The following PNLDC1 variants were observed in gnomAD, a reference collection of about 807,000 sequenced individuals.
PNLDC1 encodes poly(A)-specific ribonuclease PNLDC1.
PNLDC1 carries 70 observed loss-of-function variants against 82.0 expected under a neutral mutation model. That is an observed-to-expected ratio of 0.85 (90% CI 0.70 to 1.04). PNLDC1 has a LOEUF of 1.04. Among genes scored for constraint, PNLDC1 ranks in the 50% least tolerant of loss-of-function variants. PNLDC1 has a pLI of 0.00. For synonymous variants in PNLDC1, 280 were observed against 249.3 expected (o/e 1.12, Z -1.16); for missense variants, 631 against 661.1 (o/e 0.95, Z 0.50).
Position 159,804,640 on chromosome 6 carries a change from A to G in PNLDC1, c.461+3A>G, listed in dbSNP as rs368008629. 2.5e-6 allele frequency: 4 copies of G among 1,594,314 alleles called. No homozygotes were observed. The African/African-American group carries it at 4.0e-5, about 16-fold the overall frequency. Reference sequence around the variant, plus strand: ...ACTGGGAACTGGAGAGTTCGCAGGTATGGCCTGTTTCTCCAGGTGCCTTTT... The same window carrying G: ...ACTGGGAACTGGAGAGTTCGCAGGTGTGGCCTGTTTCTCCAGGTGCCTTTT... On this transcript the variant is annotated splice_donor_region_variant and intron_variant, in intron 6 of 18. Coordinates refer to ENST00000392167, the MANE Select transcript of PNLDC1 (RefSeq NM_001271862.2).
chr6:159,801,363 T>G (rs1444072769), intron 3 of PNLDC1, among the ~76,000 whole-genome samples, 177 bp downstream of exon 3: 2 of 152,234 alleles, frequency 1.3e-5, no homozygotes, highest in African/African-American at 4.8e-5. Context: ...CAAACCAAAT[T>G]TAGCAGCATT....
upstream of PNLDC1, chr6:159,800,217 C>A: frequency 2.3e-6 from 3 of 1,289,586 alleles, no homozygotes; most frequent in Middle Eastern, 2.7e-4. Context: ...CATGTGTGCG[C>A]CCTTTAAGAC....
At chr6:159,816,656 G>GA in intron 14 of PNLDC1, 60 bp downstream of exon 14, 1 of 1,420,914 alleles carries the variant, frequency 7.0e-7, no homozygotes, top group Non-Finnish European at 9.9e-7. Flanking sequence ...TTCTGAGACA[G>GA]GGTCTCACTC....
intron 1 of PNLDC1, 53 bp downstream of exon 1, chr6:159,800,436 G>A: frequency 6.6e-7 from 1 of 1,521,390 alleles, no homozygotes; most frequent in Non-Finnish European, 8.9e-7. Context: ...TGCCCCGGGC[G>A]AGCTTGAGGA....
chr6:159,806,865 CTT>C (rs1186180398), intron 7 of PNLDC1, among the ~76,000 whole-genome samples: 1 of 143,900 alleles, frequency 6.9e-6, no homozygotes, highest in Admixed American at 6.9e-5. Flanking sequence ...CTTGTGCAGT[CTT>C]TTGAGAGCTG....
At chr6:159,800,483 A>AGCGC in intron 1 of PNLDC1, 100 bp downstream of exon 1, 1 of 1,389,018 alleles carries the variant, frequency 7.2e-7, no homozygotes, top group Non-Finnish European at 9.7e-7. Flanking sequence ...ACAGGGCCTC[A>AGCGC]GAGAGGGCCT....
intron 15 of PNLDC1, 38 bp from the exon 16 acceptor site, chr6:159,818,517 T>C (rs2115062520): frequency 1.9e-6 from 3 of 1,576,540 alleles, no homozygotes; most frequent in Non-Finnish European, 2.6e-6. Context: ...GATGAACTTC[T>C]GTGCGCCCGA....
rs1781199551 is a variant in PNLDC1, at chr6:159,800,446, A to G, written c.76+63A>G. 3 of 1,498,600 alleles carry G rather than the reference A, an allele frequency of 2.0e-6. No homozygotes were observed. The African/African-American group carries it at 4.2e-5, about 21-fold the overall frequency. The allele number at this position is 1,498,600 out of a possible 1,614,324, so 92.8% of individuals were successfully genotyped here. A position where few individuals can be genotyped will look rare whatever the true frequency, so the allele number is the denominator to read the frequency against. On this transcript the variant is annotated intron_variant, in intron 1 of 18. Transcript: ENST00000392167. ...CCCCTTGCCCCGGGCGAGCTTGAGG[A>G]GGGGGTGGCGGGACGGTTGCCAGGC...
At chr6:159,803,822 C>G in intron 4 of PNLDC1, 143 bp from the exon 5 acceptor site, 1 of 941,820 alleles carries the variant, frequency 1.1e-6, no homozygotes, top group Non-Finnish European at 1.6e-6. Flanking sequence ...CAGTGCCAAT[C>G]ATAGCTCCTG....
chr6:159,807,039 C>A (rs1013888016), intron 7 of PNLDC1, among the ~76,000 whole-genome samples: 1 of 151,910 alleles, frequency 6.6e-6, no homozygotes, highest in South Asian at 2.1e-4. Context: ...ATTACAGGTG[C>A]CTGCCACCAT....
At chr6:159,808,521 C>T (rs915973703) in intron 7 of PNLDC1, among the ~76,000 whole-genome samples, 2 of 138,186 alleles carry the variant, frequency 1.4e-5, no homozygotes, top group Non-Finnish European at 3.2e-5. Context: ...TTAAGAGTGG[C>T]CCTGAGATAA....
Position 159,804,543 on chromosome 6 carries a change from C to T in PNLDC1, c.373-6C>T. On this transcript the variant is annotated splice_polypyrimidine_tract_variant and splice_region_variant and intron_variant, in intron 5 of 18. Coordinates refer to ENST00000392167, the MANE Select transcript of PNLDC1 (RefSeq NM_001271862.2). ...GTTCTGTTTGTTGTTCTGTTTCTGT[C>T]TTAAGTTTCTCAAAAACGGAATCCC... is the stretch of plus-strand genomic sequence containing the variant. The T allele has an allele frequency of 6.4e-7, 1 of 1,565,474 alleles. No homozygotes were observed. Among genetic ancestry groups the T allele is most frequent in the African/African-American group, 1.4e-5 (1 of 73,916 alleles).
chr6:159,800,937 C>T (rs939714393), intron 2 of PNLDC1, 108 bp downstream of exon 2: 1 of 1,531,010 alleles, frequency 6.5e-7, no homozygotes, highest in East Asian at 2.3e-5. Flanking sequence ...GTGTGGCTTG[C>T]TCCTACGTGT....
intron 6 of PNLDC1, among the ~76,000 whole-genome samples, chr6:159,805,043 A>G (rs1781398146): frequency 6.6e-6 from 1 of 152,220 alleles, no homozygotes; most frequent in Non-Finnish European, 1.5e-5. Context: ...TCTCTCGGGC[A>G]ACCTTGACTG....
intron 5 of PNLDC1, 150 bp from the exon 6 acceptor site, chr6:159,804,399 C>T (rs573780327): frequency 2.8e-5 from 18 of 650,980 alleles, no homozygotes; most frequent in South Asian, 9.9e-5. Flanking sequence ...CCACCGCACC[C>T]GGCCTGGGAA....
At chr6:159,805,305 A>G (rs4709376) in intron 6 of PNLDC1, among the ~76,000 whole-genome samples, 119,852 of 152,080 alleles carry the variant, frequency 0.79, 47,466 homozygotes, top group South Asian at 0.85. Flanking sequence ...GCCAAGTGCT[A>G]TCAGCTAGGT....
intron 11 of PNLDC1, 141 bp downstream of exon 11, chr6:159,811,927 T>C: frequency 1.5e-6 from 1 of 668,806 alleles, no homozygotes; most frequent in Non-Finnish European, 2.5e-6. Flanking sequence ...TGAGAGGGAG[T>C]CTTGCTCTCA....
intron 10 of PNLDC1, 122 bp downstream of exon 10, chr6:159,810,217 G>GTT (rs1562501489): frequency 3.5e-6 from 3 of 848,386 alleles, no homozygotes; most frequent in Non-Finnish European, 5.7e-6. Context: ...GTGTCTGCAG[G>GTT]TTTCTGGAGA....
chr6:159,800,352 G>A lies in PNLDC1; in HGVS notation c.45G>A (p.Leu15=), dbSNP rs1583161814. ...ADEFEESLPL[L]QELVQEADFV... ...AGTTCGAGGAGAGCCTCCCTCTGCT[G>A]CAGGAGCTCGTCCAGGAGGCCGACT... The change falls in exon 1 of 19, where the codon CTG becomes CTA. Residue 15 remains leucine, a synonymous_variant. Coordinates refer to ENST00000392167, the MANE Select transcript of PNLDC1 (RefSeq NM_001271862.2). The A allele has an allele frequency of 6.5e-7, 1 of 1,548,098 alleles. No individual in the cohort carries two copies. Among genetic ancestry groups the A allele is most frequent in the East Asian group, 2.4e-5 (1 of 40,896 alleles).
Sources: gnomAD v4.1 joint callset for allele counts (sites outside exome capture counted in the v4.1 genomes callset) on GRCh38, gnomAD v4.1.1 for gene constraint, MANE v1.5 for transcripts, NCBI Gene and HGNC (gene_info 2026-07-23, HGNC 2026-07-21) for gene names.